Variants in KIF26B observed in about 807,000 individuals in gnomAD.
The protein encoded by KIF26B is kinesin-like protein KIF26B.
Under a neutral mutation model 151.2 loss-of-function variants are expected in KIF26B, and 63 were observed. That is an observed-to-expected ratio of 0.42 (90% CI 0.34 to 0.51). KIF26B has a LOEUF of 0.51. KIF26B is among the 20% of genes least tolerant of loss of function. The pLI, the probability that KIF26B is intolerant of heterozygous loss-of-function variation, is 0.07. For synonymous variants in KIF26B, 1,357 were observed against 1,262.1 expected (o/e 1.08, Z -1.59); for missense variants, 2,813 against 2,913.6 (o/e 0.97, Z 0.79).
intron 4 of KIF26B, among the ~76,000 whole-genome samples, chr1:245,465,210 C>T (rs1312302419): frequency 6.6e-6 from 1 of 152,140 alleles, no homozygotes; most frequent in Admixed American, 6.5e-5. Flanking sequence ...CATCTCCTGA[C>T]CTCGTGATCC....
At chr1:245,403,131 G>A (rs1252415726) in intron 3 of KIF26B, among the ~76,000 whole-genome samples, 1 of 152,000 alleles carries the variant, frequency 6.6e-6, no homozygotes, top group Non-Finnish European at 1.5e-5. Flanking sequence ...ACCATGTCTG[G>A]CTAATTTTTA....
At chr1:245,685,313 G>A (rs542380811) in intron 11 of KIF26B, 92 bp from the exon 12 acceptor site, 211 of 1,105,846 alleles carry the variant, frequency 1.9e-4, no homozygotes, top group South Asian at 1.3e-3. Flanking sequence ...AGCCTGTGTC[G>A]TCAGGGGCCT....
chr1:245,545,947 T>G (rs968962446), intron 5 of KIF26B, among the ~76,000 whole-genome samples: 7 of 152,246 alleles, frequency 4.6e-5, no homozygotes, highest in African/African-American at 1.7e-4. Flanking sequence ...ACTTGCTAAG[T>G]ATATGGCTCT....
chr1:245,480,780 TAA>T (rs57127912), intron 4 of KIF26B, among the ~76,000 whole-genome samples: 20,599 of 143,402 alleles, frequency 0.14, 2,290 homozygotes, highest in African/African-American at 0.3. Context: ...TTTAAAATGT[TAA>T]AAAAAAAAAA....
intron 2 of KIF26B, among the ~76,000 whole-genome samples, chr1:245,180,429 C>T (rs1306443929): frequency 6.6e-6 from 1 of 152,210 alleles, no homozygotes; most frequent in African/African-American, 2.4e-5. Flanking sequence ...CCTTCCTCAA[C>T]TTCCACATCT....
intron 2 of KIF26B, among the ~76,000 whole-genome samples, chr1:245,231,398 C>T (rs1466542516): frequency 2.0e-5 from 3 of 152,096 alleles, no homozygotes; most frequent in Non-Finnish European, 4.4e-5. Context: ...CACGTGTAAT[C>T]CCAGCTACTT....
intron 2 of KIF26B, among the ~76,000 whole-genome samples, chr1:245,160,685 A>G (rs1315300564): frequency 1.3e-5 from 2 of 152,164 alleles, no homozygotes; most frequent in Non-Finnish European, 2.9e-5. Flanking sequence ...CTATGTTCCT[A>G]TCTGATTGTC....
At chr1:245,371,116 C>T (rs1673109891) in intron 3 of KIF26B, among the ~76,000 whole-genome samples, 1 of 152,208 alleles carries the variant, frequency 6.6e-6, no homozygotes, top group African/African-American at 2.4e-5. Context: ...TTCTTTCCAA[C>T]TCCAGAACAG....
chr1:245,331,375 G>A (rs1672112091), intron 2 of KIF26B, among the ~76,000 whole-genome samples: 2 of 152,276 alleles, frequency 1.3e-5, no homozygotes, highest in African/African-American at 4.8e-5. Context: ...TTAAACCAGA[G>A]GACCAAACAA....
chr1:245,553,285 A>G (rs930437759), intron 5 of KIF26B, among the ~76,000 whole-genome samples: 1 of 152,098 alleles, frequency 6.6e-6, no homozygotes. Flanking sequence ...CAACTCTGGA[A>G]CCTGTCCTCT....
At chr1:245,192,883 C>G (rs368423201) in intron 2 of KIF26B, among the ~76,000 whole-genome samples, 1 of 107,834 alleles carries the variant, frequency 9.3e-6, no homozygotes, top group African/African-American at 3.3e-5. Flanking sequence ...GAACATTACA[C>G]CCAACAGATA....
At chr1:245,658,406 C>A (rs1175931185) in intron 10 of KIF26B, among the ~76,000 whole-genome samples, 1 of 152,148 alleles carries the variant, frequency 6.6e-6, no homozygotes, top group Non-Finnish European at 1.5e-5. Context: ...TGTGAGTTTT[C>A]TTTTCTTTTT....
At chr1:245,502,515 G>T (rs1558190620) in intron 4 of KIF26B, among the ~76,000 whole-genome samples, 1 of 126,724 alleles carries the variant, frequency 7.9e-6, no homozygotes, top group African/African-American at 3.0e-5. Flanking sequence ...AACAGAGCGA[G>T]CAAGATTCTG....
intron 2 of KIF26B, among the ~76,000 whole-genome samples, chr1:245,258,020 T>TA (rs5782331): frequency 0.017 from 2,562 of 146,498 alleles, 43 homozygotes; most frequent in East Asian, 0.076. Context: ...GACTCTGTCT[T>TA]AAAAAAAAAA....
Position 245,155,444 on chromosome 1 carries a change from A to C in KIF26B, c.20A>C (p.Asn7Thr), listed in dbSNP as rs757922173. The C allele has an allele frequency of 1.9e-6, 3 of 1,612,518 alleles. No homozygotes were observed. The highest frequency in any genetic ancestry group is 2.5e-6 in the Non-Finnish European group (3 of 1,179,310). ...GCCACCATGAATTCGGTAGCTGGGAATAAAGAGAGGCTTGCGGTCTCCACC... is the reference window on the plus strand; with the variant it reads ...GCCACCATGAATTCGGTAGCTGGGACTAAAGAGAGGCTTGCGGTCTCCACC... MNSVAG[N>T]KERLAVSTRG... The change falls in exon 1 of 15, where the codon AAT becomes ACT. Residue 7 changes from asparagine (N) to threonine (T), a missense_variant. By Grantham distance (65) the Asn-to-Thr change is moderately conservative (BLOSUM62 0). This residue lies in a region of KIF26B where 676 missense variants were observed against 688.1 expected (regional missense o/e 0.98). Coordinates refer to ENST00000407071, the MANE Select transcript of KIF26B (RefSeq NM_018012.4).
At chr1:245,693,723 C>T (rs981988746) in intron 12 of KIF26B, among the ~76,000 whole-genome samples, 2 of 152,148 alleles carry the variant, frequency 1.3e-5, no homozygotes, top group Non-Finnish European at 2.9e-5. Context: ...TTGCTCCTCA[C>T]CGAGGGCACC....
rs141578445 is a variant in KIF26B at position 245,203,336 on chromosome 1, C to T, written c.465+46653C>T. Among the ~76,000 whole-genome samples, 245 of 151,770 alleles carry T rather than the reference C, an allele frequency of 1.6e-3. 2 individuals are homozygous for T. In the East Asian group the frequency reaches 0.034, roughly 21 times the overall value. ...TGGGCACAACGATCGTTGCTTTTTG[C>T]GTGGATTGCCACAAGAATGTTTTTG... On this transcript the variant is annotated intron_variant, in intron 2 of 14. Transcript: ENST00000407071.
chr1:245,584,800 T>C (rs572317831), intron 5 of KIF26B, among the ~76,000 whole-genome samples: 95 of 152,356 alleles, frequency 6.2e-4, no homozygotes, highest in African/African-American at 2.2e-3. Flanking sequence ...AAAAATTCTT[T>C]AGCCTATTGA....
At chr1:245,346,661 G>GC (rs1010066524) in intron 2 of KIF26B, among the ~76,000 whole-genome samples, 1 of 151,970 alleles carries the variant, frequency 6.6e-6, no homozygotes, top group Non-Finnish European at 1.5e-5. Flanking sequence ...CTCAACCTCA[G>GC]CCCCCCATTT....
Sources: allele counts gnomAD v4.1 joint callset (sites outside exome capture counted in the v4.1 genomes callset), GRCh38; gene constraint gnomAD v4.1.1; regional missense constraint gnomAD v4.1.1; transcripts MANE v1.5; gene names NCBI Gene and HGNC (gene_info 2026-07-23, HGNC 2026-07-21).